Variants in UBE3D observed in about 807,000 individuals in gnomAD.
UBE3D encodes the protein E3 ubiquitin-protein ligase E3D.
In UBE3D, 48 loss-of-function variants were observed where a neutral mutation model predicts 49.6. The observed-to-expected ratio is 0.97, with a 90% confidence interval of 0.77 to 1.23. The LOEUF is 1.23. Ranked by LOEUF, UBE3D falls within the 50% of genes most tolerant of loss-of-function variation. The probability of loss-of-function intolerance (pLI) is 0.00; values close to 1 mark genes in which losing one functional copy is unlikely to be tolerated. For missense variants in UBE3D, 452 were observed against 468.4 expected (o/e 0.96, Z 0.32); for synonymous variants, 189 against 174.2 (o/e 1.08, Z -0.67).
chr6:83,003,548 G>A (rs573618145), intron 8 of UBE3D, among the ~76,000 whole-genome samples: 1 of 152,282 alleles, frequency 6.6e-6, no homozygotes, highest in East Asian at 1.9e-4. Flanking sequence ...CATACATCCT[G>A]AGAAATGCAT....
At chr6:82,960,335 A>G (rs986293769) in intron 8 of UBE3D, among the ~76,000 whole-genome samples, 5 of 152,138 alleles carry the variant, frequency 3.3e-5, no homozygotes, top group Admixed American at 3.3e-4. Context: ...TGTCTTTTCC[A>G]TAATTCAAAC....
At chr6:82,940,563 TACC>T (rs1774932604) in intron 9 of UBE3D, among the ~76,000 whole-genome samples, 1 of 152,212 alleles carries the variant, frequency 6.6e-6, no homozygotes, top group Non-Finnish European at 1.5e-5. Flanking sequence ...ACACGTGGAT[TACC>T]ACAAGTGCTG....
intron 9 of UBE3D, among the ~76,000 whole-genome samples, chr6:82,916,021 G>A (rs1772890610): frequency 6.6e-6 from 1 of 152,118 alleles, no homozygotes; most frequent in Non-Finnish European, 1.5e-5. Flanking sequence ...ATTAGAAATG[G>A]CATAGTCATA....
rs774141062 is a variant in UBE3D at position 83,065,822 on chromosome 6, G to A, written c.-104C>T. Reference sequence around the variant, plus strand: ...GTGCGGACCAACCAGCGGCAGCCCCGCTGCGGCGCAGGCGCCTGTGCCAGA... The same window carrying A: ...GTGCGGACCAACCAGCGGCAGCCCCACTGCGGCGCAGGCGCCTGTGCCAGA... On this transcript the variant is annotated 5_prime_UTR_variant, in exon 1 of 10. Coordinates refer to ENST00000369747, the MANE Select transcript of UBE3D (RefSeq NM_198920.3). 33 of 1,226,146 alleles carry A rather than the reference G, an allele frequency of 2.7e-5. No individual in the cohort carries two copies. The highest frequency in any genetic ancestry group is 5.2e-5 in the East Asian group (2 of 38,492). 76.0% of individuals were successfully genotyped at this position (1,226,146 alleles called of 1,614,324 possible).
At chr6:82,931,464 C>A (rs957769465) in intron 9 of UBE3D, among the ~76,000 whole-genome samples, 1 of 152,182 alleles carries the variant, frequency 6.6e-6, no homozygotes, top group Non-Finnish European at 1.5e-5. Flanking sequence ...CAACACCAGC[C>A]CAGGAAAGCA....
rs111261624 is a variant in UBE3D, at chr6:83,022,399, T to C, written c.846+54A>G. On this transcript the variant is annotated intron_variant, in intron 7 of 9. Transcript: ENST00000369747. ...AAAAAAGGATGAAAAAACTGAAGAA[T>C]TCTGAGACCTTGGATTCCTAGGCTA... 1,215 of 1,178,644 alleles carry C rather than the reference T, an allele frequency of 1.0e-3. 16 individuals carry two copies. The African/African-American group carries it at 0.017, about 17-fold the overall frequency. The allele number at this position is 1,178,644 out of a possible 1,614,324, so 73.0% of individuals were successfully genotyped here. A position where few individuals can be genotyped will look rare whatever the true frequency, so the allele number is the denominator to read the frequency against.
At chr6:82,887,400 T>TTTGTTTTGTTTTG (rs1770906590), downstream of UBE3D, among the ~76,000 whole-genome samples, 27 of 76,298 alleles carry the variant, frequency 3.5e-4, no homozygotes, top group African/African-American at 1.5e-3. Flanking sequence ...TTTTTTTTTT[T>TTTGTTTTGTTTTG]TTTTTTTTTT....
In UBE3D at chr6:83,021,318, G is replaced by A. The variant is rs114427130; in HGVS notation, c.846+1135C>T. On this transcript the variant is annotated intron_variant, in intron 7 of 9. Coordinates refer to ENST00000369747, the MANE Select transcript of UBE3D (RefSeq NM_198920.3). ...TGTCTGGGAATGGTGGAGTAGGCCTGGAGTCTCAGCTATTCAGAAGGCTGA... is the reference window on the plus strand; with the variant it reads ...TGTCTGGGAATGGTGGAGTAGGCCTAGAGTCTCAGCTATTCAGAAGGCTGA... Among the ~76,000 whole-genome samples the A allele has an allele frequency of 9.8e-3, 1,493 of 152,156 alleles. 28 individuals carry two copies. The highest frequency in any genetic ancestry group is 0.034 in the African/African-American group (1,417 of 41,496).
chr6:82,906,006 A>G (rs149936536), intron 9 of UBE3D, among the ~76,000 whole-genome samples: 1 of 152,286 alleles, frequency 6.6e-6, no homozygotes, highest in Non-Finnish European at 1.5e-5. Context: ...ATAATTCAGT[A>G]TATATCTTTA....
chr6:82,958,120 G>A (rs991222061), intron 8 of UBE3D, among the ~76,000 whole-genome samples: 6 of 152,128 alleles, frequency 3.9e-5, no homozygotes, highest in African/African-American at 1.4e-4. Flanking sequence ...TTAGAGATCA[G>A]GAAACCAAGG....
intron 5 of UBE3D, among the ~76,000 whole-genome samples, chr6:83,028,246 T>C (rs1375268777): frequency 3.3e-5 from 5 of 152,214 alleles, no homozygotes; most frequent in Admixed American, 6.5e-5. Flanking sequence ...TTTGATTTAA[T>C]TCTTGTTGGT....
intron 9 of UBE3D, among the ~76,000 whole-genome samples, chr6:82,896,325 T>C (rs1023162806): frequency 6.6e-6 from 1 of 152,238 alleles, no homozygotes; most frequent in African/African-American, 2.4e-5. Flanking sequence ...TTTTAAAGCT[T>C]CTCAGAGCAT....
At position 83,017,125 on chromosome 6, in the gene UBE3D, A is replaced by G. The variant is rs557372636; in HGVS notation, c.1010+1848T>C. Reference sequence around the variant, plus strand: ...ATCACAGCAAATTAGAATGAAATAAAAACTAGCATTAAATTGAAGAAGAGC... The same window carrying G: ...ATCACAGCAAATTAGAATGAAATAAGAACTAGCATTAAATTGAAGAAGAGC... On this transcript the variant is annotated intron_variant, in intron 8 of 9. Coordinates refer to ENST00000369747, the MANE Select transcript of UBE3D (RefSeq NM_198920.3). 3 of 152,304 alleles carry G rather than the reference A, an allele frequency of 2.0e-5. No individual in the cohort carries two copies. The South Asian group carries it at 6.2e-4, about 32-fold the overall frequency. 9.4% of individuals were successfully genotyped at this position (152,304 alleles called of 1,614,324 possible).
intron 8 of UBE3D, among the ~76,000 whole-genome samples, chr6:82,969,554 G>A (rs1777196849): frequency 1.3e-5 from 2 of 152,114 alleles, no homozygotes; most frequent in Non-Finnish European, 2.9e-5. Context: ...GTTGCAGTGA[G>A]TCAAGATCAT....
At chr6:82,887,389 GTTTTTTTTTTTTT>G (rs752438556), downstream of UBE3D, among the ~76,000 whole-genome samples, 4 of 98,368 alleles carry the variant, frequency 4.1e-5, no homozygotes, top group Non-Finnish European at 7.5e-5. Context: ...GACAGTAACA[GTTTTTTTTTTTTT>G]TTTTTTTTTT....
At chr6:82,898,936 A>T (rs565941581) in intron 9 of UBE3D, among the ~76,000 whole-genome samples, 1 of 152,152 alleles carries the variant, frequency 6.6e-6, no homozygotes, top group Non-Finnish European at 1.5e-5. Context: ...GCCACAGCGC[A>T]CACTGAGAAG....
At chr6:83,032,178 G>A (rs968866385) in intron 5 of UBE3D, 17 of 456,044 alleles carry the variant, frequency 3.7e-5, no homozygotes, top group East Asian at 2.1e-4. Flanking sequence ...AGCTTACACC[G>A]TATGCCTAGA....
At chr6:82,883,990 C>A in the UBE3D span, among the ~76,000 whole-genome samples, 1 of 152,124 alleles carries the variant, frequency 6.6e-6, no homozygotes, top group South Asian at 2.1e-4. Flanking sequence ...TAATTCTGCA[C>A]TTGGGTTTGG....
At chr6:82,977,138 A>AAAAAAGAAGGT (rs1562143123) in intron 8 of UBE3D, among the ~76,000 whole-genome samples, 10 of 150,698 alleles carry the variant, frequency 6.6e-5, no homozygotes, top group African/African-American at 2.2e-4. Flanking sequence ...AAAAAAAAAA[A>AAAAAAGAAGGT]AAAGAAGGTA....
Sources: allele counts gnomAD v4.1 joint callset (sites outside exome capture counted in the v4.1 genomes callset), GRCh38; gene constraint gnomAD v4.1.1; transcripts MANE v1.5; gene names NCBI Gene and HGNC (gene_info 2026-07-23, HGNC 2026-07-21).